Variants in RFTN1 observed in about 807,000 individuals in gnomAD.
RFTN1 encodes the protein raftlin, lipid raft linker 1.
A neutral mutation model predicts 46.5 loss-of-function variants in RFTN1; 26 were observed. The ratio of observed to expected loss-of-function variants is 0.56; its 90% CI spans 0.41 to 0.78. The LOEUF is 0.78. Among genes scored for constraint, RFTN1 ranks in the 30% least tolerant of loss-of-function variants. The pLI, the probability that RFTN1 is intolerant of heterozygous loss-of-function variation, is 0.00. For synonymous variants in RFTN1, 261 were observed against 284.2 expected, an observed-to-expected ratio of 0.92 and a Z score of 0.82; for missense variants, 693 against 718.7, an observed-to-expected ratio of 0.96 and a Z score of 0.41.
Position 16,376,108 on chromosome 3 carries a change from T to C in RFTN1, c.826+1610A>G, listed in dbSNP as rs2073759120. ...CTGAAAGCTACTGAGGAAACCTCAA[T>C]AGTAACTGCCTCCTTTCTCAAAGCC... On this transcript the variant is annotated intron_variant, in intron 5 of 9. Coordinates refer to ENST00000334133, the MANE Select transcript of RFTN1 (RefSeq NM_015150.2). This position sits in a 1 kb window ranked among gnomAD's most constrained non-coding sequence, Gnocchi z 4.7. 1.3e-5 allele frequency among the ~76,000 whole-genome samples: 2 copies of C among 152,124 alleles called. No homozygotes were observed. Among genetic ancestry groups the C allele is most frequent in the African/African-American group, 2.4e-5 (1 of 41,406 alleles).
chr3:16,493,937 A>G, intron 1 of RFTN1, 60 bp from the exon 2 acceptor site: 3 of 1,585,438 alleles, frequency 1.9e-6, no homozygotes, highest in South Asian at 1.1e-5. Flanking sequence ...GTCTTTAAAC[A>G]CCCTAGTATA....
At chr3:16,357,517 A>G (rs2072531648) in intron 7 of RFTN1, among the ~76,000 whole-genome samples, 1 of 152,228 alleles carries the variant, frequency 6.6e-6, no homozygotes, top group African/African-American at 2.4e-5. Flanking sequence ...TGTGCAGATT[A>G]AGTGAGCTCA....
At chr3:16,487,345 G>A (rs1181890606) in intron 2 of RFTN1, among the ~76,000 whole-genome samples, 8 of 152,198 alleles carry the variant, frequency 5.3e-5, no homozygotes, top group Non-Finnish European at 1.2e-4. Context: ...ATGGTACATT[G>A]TTATGACTTA....
chr3:16,497,910 G>A (rs1429972401), intron 1 of RFTN1, among the ~76,000 whole-genome samples: 2 of 152,136 alleles, frequency 1.3e-5, no homozygotes, highest in East Asian at 3.9e-4. Context: ...AAAGGAGAGG[G>A]TTACCAGGAT....
chr3:16,490,968 C>T (rs1275072931), intron 2 of RFTN1, among the ~76,000 whole-genome samples: 1 of 152,144 alleles, frequency 6.6e-6, no homozygotes, highest in African/African-American at 2.4e-5. Flanking sequence ...GTCCTAAGCA[C>T]TGAGGGAGCA....
At chr3:16,482,890 T>A (rs2076391445) in intron 2 of RFTN1, 5 of 1,495,958 alleles carry the variant, frequency 3.3e-6, no homozygotes, top group Non-Finnish European at 4.5e-6. Flanking sequence ...CGGGGTGAGC[T>A]TAAATTTGCG....
chr3:16,388,438 T>C (rs1208067320), intron 4 of RFTN1, among the ~76,000 whole-genome samples: 10 of 152,250 alleles, frequency 6.6e-5, no homozygotes, highest in Admixed American at 6.5e-4. Flanking sequence ...GAGTCTACAA[T>C]TTCAGGAAAT....
chr3:16,460,987 G>A lies in RFTN1; in HGVS notation c.146-26950C>T, dbSNP rs1163283331. ...TCAGAACCCACGGCTCAGCCATTTT[G>A]GAGAGTGAGATGAGGAGGCCACGCC... On this transcript the variant is annotated intron_variant, in intron 2 of 9. Transcript: ENST00000334133. This position sits in a 1 kb window ranked among gnomAD's most constrained non-coding sequence, Gnocchi z 4.8. 1.3e-5 allele frequency among the ~76,000 whole-genome samples: 2 copies of A among 152,258 alleles called. No homozygotes were observed. The highest frequency in any genetic ancestry group is 4.8e-5 in the African/African-American group (2 of 41,466).
intron 7 of RFTN1, among the ~76,000 whole-genome samples, chr3:16,357,114 C>CAAAA (rs10563071): frequency 2.6e-4 from 35 of 133,612 alleles, no homozygotes; most frequent in African/African-American, 9.3e-4. Flanking sequence ...GATGCCATCT[C>CAAAA]AAAAAAAAAA....
chr3:16,501,654 C>A (rs1005103476), intron 1 of RFTN1, among the ~76,000 whole-genome samples: 3 of 152,220 alleles, frequency 2.0e-5, no homozygotes, highest in Non-Finnish European at 4.4e-5. Flanking sequence ...CACTCAAATT[C>A]TGTATTTGAA....
In RFTN1 at chr3:16,451,578, T is replaced by C. The variant is rs1281332616; in HGVS notation, c.146-17541A>G. ...CAGGGGATATGCCTGAAACCACAGA[T>C]AGTAAAGAACCCAATTGCTGCCAAT... On this transcript the variant is annotated intron_variant, in intron 2 of 9. Coordinates refer to ENST00000334133, the MANE Select transcript of RFTN1 (RefSeq NM_015150.2). The surrounding 1 kb of genome is among the most constrained non-coding windows in gnomAD (Gnocchi z 4.2). Among the ~76,000 whole-genome samples, 1 of 152,214 alleles carries C rather than the reference T, an allele frequency of 6.6e-6. No homozygotes were observed. Among genetic ancestry groups the C allele is most frequent in the Non-Finnish European group, 1.5e-5 (1 of 68,028 alleles).
At position 16,465,819 on chromosome 3, in the gene RFTN1, G is replaced by A. The variant is rs1382247961; in HGVS notation, c.145+27906C>T. 1.3e-5 allele frequency among the ~76,000 whole-genome samples: 2 copies of A among 152,132 alleles called. No homozygotes were observed. Among genetic ancestry groups the A allele is most frequent in the African/African-American group, 2.4e-5 (1 of 41,426 alleles). On this transcript the variant is annotated intron_variant, in intron 2 of 9. Transcript: ENST00000334133. This position sits in a 1 kb window ranked among gnomAD's most constrained non-coding sequence, Gnocchi z 5.1. ...CCATTTTCCCAGGGAGGACTTGAGC[G>A]GGAAAAGCAAGATGTAAGGTAGAGA...
intron 2 of RFTN1, among the ~76,000 whole-genome samples, chr3:16,463,062 A>G (rs2076034595): frequency 6.6e-6 from 1 of 152,254 alleles, no homozygotes; most frequent in African/African-American, 2.4e-5. Flanking sequence ...CACTAGAGAC[A>G]GAAATCTACA....
chr3:16,384,897 A>T lies in RFTN1; in HGVS notation c.442-6795T>A, dbSNP rs754534721. On this transcript the variant is annotated intron_variant, in intron 4 of 9. Coordinates refer to ENST00000334133, the MANE Select transcript of RFTN1 (RefSeq NM_015150.2). The surrounding 1 kb of genome is among the most constrained non-coding windows in gnomAD (Gnocchi z 4.7). ...CATATCCATCATCATAGAACGTTCT[A>T]TTGGGTAGCTCTGCTATAGAGCATA... is the stretch of plus-strand genomic sequence containing the variant. Among the ~76,000 whole-genome samples the T allele has an allele frequency of 6.6e-6, 1 of 152,162 alleles. No homozygotes were observed. Among genetic ancestry groups the T allele is most frequent in the African/African-American group, 2.4e-5 (1 of 41,434 alleles).
At chr3:16,437,923 G>GT (rs2075547751) in intron 2 of RFTN1, among the ~76,000 whole-genome samples, 1 of 152,128 alleles carries the variant, frequency 6.6e-6, no homozygotes, top group Admixed American at 6.5e-5. Context: ...AAAACCACAT[G>GT]TGGCGGAGAC....
chr3:16,508,524 G>C (rs2076846826), intron 1 of RFTN1, among the ~76,000 whole-genome samples: 2 of 152,208 alleles, frequency 1.3e-5, no homozygotes, highest in South Asian at 4.1e-4. Flanking sequence ...CAAGGAATTA[G>C]CCGGGTTCAA....
At chr3:16,453,780 T>G (rs553206976) in intron 2 of RFTN1, among the ~76,000 whole-genome samples, 2 of 152,358 alleles carry the variant, frequency 1.3e-5, no homozygotes, top group African/African-American at 4.8e-5. Flanking sequence ...ATGCTTAATT[T>G]CAGGGTATGA....
rs967946017 is a variant in RFTN1, at chr3:16,356,137, T to C, written c.1146+1795A>G. Among the ~76,000 whole-genome samples, 6 of 152,228 alleles carry C rather than the reference T, an allele frequency of 3.9e-5. No homozygotes were observed. Among genetic ancestry groups the C allele is most frequent in the African/African-American group, 1.4e-4 (6 of 41,452 alleles). On this transcript the variant is annotated intron_variant, in intron 7 of 9. Transcript: ENST00000334133. The surrounding 1 kb of genome is among the most constrained non-coding windows in gnomAD (Gnocchi z 4.9). ...ACCACACGTGATGGGCCATGTGACCTGCCCAGCTTACAAGTTGAGGAAGGA... is the reference window on the plus strand; with the variant it reads ...ACCACACGTGATGGGCCATGTGACCCGCCCAGCTTACAAGTTGAGGAAGGA...
At position 16,385,826 on chromosome 3, in the gene RFTN1, A is replaced by G. The variant is rs1265681004; in HGVS notation, c.442-7724T>C. 6.6e-6 allele frequency among the ~76,000 whole-genome samples: 1 copy of G among 152,172 alleles called. No individual in the cohort carries two copies. Among genetic ancestry groups the G allele is most frequent in the East Asian group, 1.9e-4 (1 of 5,190 alleles). On this transcript the variant is annotated intron_variant, in intron 4 of 9. Transcript: ENST00000334133. The surrounding 1 kb of genome is among the most constrained non-coding windows in gnomAD (Gnocchi z 5.0). Reference sequence around the variant, plus strand: ...TGTATGCCCATCAGCAGAATTCAACATATGTGTGGTTGTCTGCATTCAGAA... The same window carrying G: ...TGTATGCCCATCAGCAGAATTCAACGTATGTGTGGTTGTCTGCATTCAGAA...
Sources: allele counts gnomAD v4.1 joint callset (sites outside exome capture counted in the v4.1 genomes callset), GRCh38; gene constraint gnomAD v4.1.1; non-coding constraint Gnocchi (gnomAD v3.1); transcripts MANE v1.5; gene names NCBI Gene and HGNC (gene_info 2026-07-23, HGNC 2026-07-21).